Variants in DGCR8 observed in about 807,000 individuals in gnomAD.
The protein encoded by DGCR8 is microprocessor complex subunit DGCR8.
Under a neutral mutation model 78.5 loss-of-function variants are expected in DGCR8, and 14 were observed. The ratio of observed to expected loss-of-function variants is 0.18; its 90% CI spans 0.12 to 0.28. The LOEUF is 0.28. Ranked by LOEUF, DGCR8 falls within the 10% of genes least tolerant of loss-of-function variation. DGCR8 has a pLI of 1.00. For synonymous variants in DGCR8, 399 were observed against 402.4 expected (o/e 0.99, Z 0.10); for missense variants, 702 against 1,022.5 (o/e 0.69, Z 4.28).
chr22:20,090,463 G>A (rs1246684351), intron 5 of DGCR8, among the ~76,000 whole-genome samples: 1 of 152,198 alleles, frequency 6.6e-6, no homozygotes, highest in East Asian at 1.9e-4. Context: ...CCTGTCTGTG[G>A]GCTCTGTGGT....
At position 20,100,257 on chromosome 22, in the gene DGCR8, G is replaced by T. The variant is rs892311293; in HGVS notation, c.1788+5462G>T. The T allele has an allele frequency of 2.2e-5, 15 of 676,180 alleles. No individual in the cohort carries two copies. In the Admixed American group the frequency reaches 2.5e-4, roughly 11 times the overall value. The allele number at this position is 676,180 out of a possible 1,614,324, so 41.9% of individuals were successfully genotyped here. A position where few individuals can be genotyped will look rare whatever the true frequency, so the allele number is the denominator to read the frequency against. On this transcript the variant is annotated intron_variant, in intron 9 of 13. Coordinates refer to ENST00000351989, the MANE Select transcript of DGCR8 (RefSeq NM_022720.7). ...AATTTTTGTATTTTTAGTAGAGATG[G>T]GGTTTCACCGTGTTGGCCAGGATGG...
chr22:20,102,091 T>C (rs890464800), intron 9 of DGCR8: 2 of 980,540 alleles, frequency 2.0e-6, no homozygotes, highest in African/African-American at 3.5e-5. Flanking sequence ...TTTTTTTTTT[T>C]TCATCTTATT....
rs767182028 is a variant in DGCR8 at position 20,086,290 on chromosome 22, C to T, written c.327C>T (p.Ser109=). ...ARHAPAVRKF[S]PDLKLLKDVK... ...ACGCACCTGCGGTCCGGAAGTTCTC[C>T]CCTGACCTTAAGTTGCTTAAGGATG... Residue 109 remains serine (S), a synonymous_variant, in exon 2 of 14, where the codon TCC becomes TCT. Coordinates refer to ENST00000351989, the MANE Select transcript of DGCR8 (RefSeq NM_022720.7). This position sits in a 1 kb window ranked among gnomAD's most constrained non-coding sequence, Gnocchi z 6.4. 2.5e-6 allele frequency: 4 copies of T among 1,614,176 alleles called. No individual in the cohort carries two copies. Among genetic ancestry groups the T allele is most frequent in the Non-Finnish European group, 3.4e-6 (4 of 1,180,030 alleles).
At position 20,086,794 on chromosome 22, in the gene DGCR8, C is replaced by A. The variant is rs1189240605; in HGVS notation, c.720+111C>A. 14 of 1,181,586 alleles carry A rather than the reference C, an allele frequency of 1.2e-5. No homozygotes were observed. The East Asian group carries it at 1.4e-4, about 12-fold the overall frequency. 73.2% of individuals were successfully genotyped at this position (1,181,586 alleles called of 1,614,324 possible). ...AATTAAAAAAAAAAAAAACAAAAAC[C>A]AAAATCCCCTCTGAGGTGGAATAAT... On this transcript the variant is annotated intron_variant, in intron 2 of 13. Transcript: ENST00000351989. The surrounding 1 kb of genome is among the most constrained non-coding windows in gnomAD (Gnocchi z 6.4).
intron 1 of DGCR8, among the ~76,000 whole-genome samples, chr22:20,082,739 G>A (rs866873565): frequency 2.6e-5 from 4 of 151,954 alleles, no homozygotes; most frequent in African/African-American, 7.3e-5. Context: ...TTGCCTGCTT[G>A]TAAAGCAGCT....
intron 9 of DGCR8, chr22:20,102,017 G>A: frequency 5.1e-6 from 5 of 984,984 alleles, no homozygotes; most frequent in Non-Finnish European, 6.0e-6. Flanking sequence ...TTGGTATTTT[G>A]TTGCTAGCTG....
chr22:20,104,087 C>A (rs1244816110), intron 9 of DGCR8, among the ~76,000 whole-genome samples: 1 of 152,090 alleles, frequency 6.6e-6, no homozygotes, highest in South Asian at 2.1e-4. Flanking sequence ...CTCCACCTGT[C>A]CCTGGCGGGT....
intron 9 of DGCR8, among the ~76,000 whole-genome samples, chr22:20,095,988 G>A (rs550741787): frequency 2.8e-4 from 42 of 152,258 alleles, no homozygotes; most frequent in Non-Finnish European, 4.4e-5. Flanking sequence ...AGGAGACAGA[G>A]CTCAGGTGTA....
intron 7 of DGCR8, 77 bp from the exon 8 acceptor site, chr22:20,092,732 G>T: frequency 7.7e-7 from 1 of 1,295,876 alleles, no homozygotes; most frequent in Non-Finnish European, 1.1e-6. Flanking sequence ...CGCCTTGTCT[G>T]TCGGTGTGGG....
intron 13 of DGCR8, chr22:20,109,298 G>T: frequency 2.9e-6 from 1 of 348,720 alleles, no homozygotes; most frequent in Non-Finnish European, 5.6e-6. Context: ...GTGTTTGGAG[G>T]TAGGTCAGTG....
At chr22:20,095,754 A>G (rs2147928302) in intron 9 of DGCR8, among the ~76,000 whole-genome samples, 1 of 152,252 alleles carries the variant, frequency 6.6e-6, no homozygotes, top group South Asian at 2.1e-4. Context: ...CTACACTGTA[A>G]TATGTAATGT....
In DGCR8 at chr22:20,086,786, A is replaced by AC. The variant is rs2049489660; in HGVS notation, c.720+104dup. 3 of 1,295,312 alleles carry AC rather than the reference A, an allele frequency of 2.3e-6. No homozygotes were observed. Among genetic ancestry groups the AC allele is most frequent in the Admixed American group, 4.7e-5 (2 of 42,346 alleles). The allele number at this position is 1,295,312 out of a possible 1,614,324, so 80.2% of individuals were successfully genotyped here. A position where few individuals can be genotyped will look rare whatever the true frequency, so the allele number is the denominator to read the frequency against. On this transcript the variant is annotated intron_variant, in intron 2 of 13. Transcript: ENST00000351989. The surrounding 1 kb of genome is among the most constrained non-coding windows in gnomAD (Gnocchi z 6.4). ...AGCAGGGAAATTAAAAAAAAAAAAA[A>AC]CAAAAACCAAAATCCCCTCTGAGGT... is the stretch of plus-strand genomic sequence containing the variant.
rs538156782 is a variant in DGCR8, at chr22:20,091,420, G to T, written c.1307-15G>T. 6.2e-7 allele frequency: 1 copy of T among 1,613,722 alleles called. No individual in the cohort carries two copies. The stretch of plus-strand genomic sequence containing the variant: ...GGAAGTTAAGTAATTTGTTTCTCTG[G>T]TAAATCTGGGACAGATCTCGAGGAA... On this transcript the variant is annotated splice_polypyrimidine_tract_variant and intron_variant, in intron 5 of 13. Coordinates refer to ENST00000351989, the MANE Select transcript of DGCR8 (RefSeq NM_022720.7).
At position 20,089,928 on chromosome 22, in the gene DGCR8, A is replaced by G. The variant is rs140043419; in HGVS notation, c.1024-48A>G. 280 of 1,586,068 alleles carry G rather than the reference A, an allele frequency of 1.8e-4. No homozygotes were observed. In the African/African-American group the frequency reaches 3.4e-3, roughly 19 times the overall value. ...CCGGTGAAAGGCATCAGAGTTTCAG[A>G]CTCTCGGGTTGTCCTTGTAATCCAT... On this transcript the variant is annotated intron_variant, in intron 4 of 13. Transcript: ENST00000351989. The surrounding 1 kb of genome is among the most constrained non-coding windows in gnomAD (Gnocchi z 4.9).
chr22:20,092,341 T>C (rs903877520), intron 7 of DGCR8, among the ~76,000 whole-genome samples: 1 of 152,198 alleles, frequency 6.6e-6, no homozygotes, highest in African/African-American at 2.4e-5. Flanking sequence ...TTCTTGGGCA[T>C]GCATTTCCCA....
chr22:20,081,287 C>T (rs1371115012), intron 1 of DGCR8, among the ~76,000 whole-genome samples: 2 of 152,260 alleles, frequency 1.3e-5, no homozygotes, highest in East Asian at 1.9e-4. Context: ...CCGTCACAGC[C>T]AGTGCCTCTG....
rs2049836632 is a variant in DGCR8, at chr22:20,111,118, G to C, written c.*1010G>C. The C allele has an allele frequency of 2.5e-6, 1 of 398,378 alleles. No homozygotes were observed. The highest frequency in any genetic ancestry group is 4.4e-5 in the Admixed American group (1 of 22,718). 24.7% of individuals were successfully genotyped at this position (398,378 alleles called of 1,614,324 possible). ...GTTGCCTGTGACAGCGGTTTCTCTGGATGTCAAAGGCAGCTGCCTGGTGCC... is the reference window on the plus strand; with the variant it reads ...GTTGCCTGTGACAGCGGTTTCTCTGCATGTCAAAGGCAGCTGCCTGGTGCC... On this transcript the variant is annotated 3_prime_UTR_variant, in exon 14 of 14. Coordinates refer to ENST00000351989, the MANE Select transcript of DGCR8 (RefSeq NM_022720.7).
intron 12 of DGCR8, chr22:20,107,714 C>T (rs549196158): frequency 3.6e-4 from 133 of 367,676 alleles, no homozygotes; most frequent in African/African-American, 2.5e-3. Flanking sequence ...GCGCCCGGCT[C>T]GGAGGTGTGC....
chr22:20,108,645 T>TC (rs2049797993), intron 12 of DGCR8: 2 of 377,850 alleles, frequency 5.3e-6, no homozygotes, highest in Non-Finnish European at 1.0e-5. Context: ...ATAAGTGGCG[T>TC]GGTGTGGGCA....
Sources: gnomAD v4.1 joint callset for allele counts (sites outside exome capture counted in the v4.1 genomes callset) on GRCh38, gnomAD v4.1.1 for gene constraint, Gnocchi (gnomAD v3.1) non-coding constraint, MANE v1.5 for transcripts, NCBI Gene and HGNC (gene_info 2026-07-23, HGNC 2026-07-21) for gene names.